The following PCDHGA3 variants were observed in gnomAD, a reference collection of about 807,000 sequenced individuals.
The protein encoded by PCDHGA3 is protocadherin gamma subfamily A, 3, also known as protocadherin gamma-A3.
In PCDHGA3, 40 loss-of-function variants were observed where a neutral mutation model predicts 58.5. That is an observed-to-expected ratio of 0.68 (90% CI 0.53 to 0.89). The LOEUF is 0.89. PCDHGA3 is among the 40% of genes least tolerant of loss of function. The pLI is 0.00. For synonymous variants in PCDHGA3, 530 were observed against 525.7 expected (o/e 1.01, Z -0.11); for missense variants, 1,223 against 1,195.9 (o/e 1.02, Z -0.33).
At chr5:141,442,466 A>T (rs1270035223) in intron 1 of PCDHGA3, 1 of 152,254 alleles carries the variant, frequency 6.6e-6, no homozygotes, top group African/African-American at 2.4e-5. Flanking sequence ...TTCACTGCAG[A>T]AAGCCCCTTG....
intron 1 of PCDHGA3, chr5:141,399,294 G>T (rs781668632): frequency 6.2e-7 from 1 of 1,613,914 alleles, no homozygotes; most frequent in South Asian, 1.1e-5. Flanking sequence ...TCCCTTTTAA[G>T]ATTATCTCTT....
At chr5:141,450,134 G>A (rs1267554616) in intron 1 of PCDHGA3, among the ~76,000 whole-genome samples, 1 of 151,424 alleles carries the variant, frequency 6.6e-6, no homozygotes, top group East Asian at 2.0e-4. Context: ...AGCCTCCTGA[G>A]TAGCTGGGAC....
At chr5:141,362,477 T>C (rs1269006896) in intron 1 of PCDHGA3, 2 of 1,613,938 alleles carry the variant, frequency 1.2e-6, no homozygotes, top group Admixed American at 1.7e-5. Context: ...CAAGATCTCG[T>C]CTGTGACAAT....
At chr5:141,422,934 C>T in intron 1 of PCDHGA3, 1 of 1,614,254 alleles carries the variant, frequency 6.2e-7, no homozygotes, top group Non-Finnish European at 8.5e-7. Context: ...CTGCCCTCCC[C>T]ACAGACGGCT....
At chr5:141,400,014 C>T (rs2093941558) in intron 1 of PCDHGA3, 1 of 1,612,662 alleles carries the variant, frequency 6.2e-7, no homozygotes, top group Non-Finnish European at 8.5e-7. Flanking sequence ...GTGCCTTGGG[C>T]GACAGGGACG....
chr5:141,368,022 A>C lies in PCDHGA3; in HGVS notation c.2424+21565A>C, dbSNP rs148102234. 3.7e-3 allele frequency among the ~76,000 whole-genome samples: 559 copies of C among 152,344 alleles called. 6 individuals are homozygous for C. Among genetic ancestry groups the C allele is most frequent in the African/African-American group, 0.013 (529 of 41,584 alleles). On this transcript the variant is annotated intron_variant, in intron 1 of 3. Coordinates refer to ENST00000253812, the MANE Select transcript of PCDHGA3 (RefSeq NM_018916.4). ...AATGAAATACTGGCCTATGTGCCTC[A>C]AATTCCAGGAGGATGTGTTATGTAA...
At chr5:141,371,610 A>C in intron 1 of PCDHGA3, 1 of 1,614,006 alleles carries the variant, frequency 6.2e-7, no homozygotes, top group Non-Finnish European at 8.5e-7. Context: ...CAGGTTGGTG[A>C]CAGATGGAGC....
chr5:141,405,967 G>C (rs76683972), intron 1 of PCDHGA3, among the ~76,000 whole-genome samples: 1 of 151,968 alleles, frequency 6.6e-6, no homozygotes, highest in Non-Finnish European at 1.5e-5. Context: ...TGCTGTCAAC[G>C]TAAACCATAC....
intron 1 of PCDHGA3, among the ~76,000 whole-genome samples, chr5:141,401,424 T>G (rs1408860840): frequency 6.6e-6 from 1 of 152,170 alleles, no homozygotes; most frequent in Non-Finnish European, 1.5e-5. Flanking sequence ...AGAGACTGAT[T>G]CACTGAACTT....
intron 1 of PCDHGA3, chr5:141,385,373 T>A (rs754384717): frequency 6.5e-7 from 1 of 1,529,238 alleles, no homozygotes; most frequent in African/African-American, 1.4e-5. Context: ...TTGCATGATA[T>A]TTCTCTATTA....
intron 3 of PCDHGA3, among the ~76,000 whole-genome samples, chr5:141,509,568 C>T (rs535982453): frequency 3.3e-5 from 5 of 152,336 alleles, no homozygotes; most frequent in Admixed American, 2.0e-4. Flanking sequence ...GCAGCCTTCA[C>T]AGTGCGTACA....
chr5:141,422,734 T>A, intron 1 of PCDHGA3: 2 of 1,608,114 alleles, frequency 1.2e-6, no homozygotes, highest in Non-Finnish European at 1.7e-6. Context: ...GGTGCCTCTG[T>A]CCTCCTATGT....
Position 141,486,740 on chromosome 5 carries a change from T to G in PCDHGA3, c.2425-8067T>G. Reference sequence around the variant, plus strand: ...AGGAGCTGTTCATGCTACTCGATCCTTTGACTATGAGCAAACCCAGACACT... The same window carrying G: ...AGGAGCTGTTCATGCTACTCGATCCGTTGACTATGAGCAAACCCAGACACT... On this transcript the variant is annotated intron_variant, in intron 1 of 3. Transcript: ENST00000253812. This position sits in a 1 kb window ranked among gnomAD's most constrained non-coding sequence, Gnocchi z 5.0. 6.2e-7 allele frequency: 1 copy of G among 1,614,234 alleles called. No individual in the cohort carries two copies. The highest frequency in any genetic ancestry group is 8.5e-7 in the Non-Finnish European group (1 of 1,180,046).
intron 1 of PCDHGA3, chr5:141,362,449 C>G: frequency 6.2e-7 from 1 of 1,614,006 alleles, no homozygotes; most frequent in Non-Finnish European, 8.5e-7. Context: ...GAACATAACC[C>G]CGGAATTGGT....
At chr5:141,458,103 T>TA (rs1401283935) in intron 1 of PCDHGA3, among the ~76,000 whole-genome samples, 2 of 152,212 alleles carry the variant, frequency 1.3e-5, no homozygotes, top group Non-Finnish European at 2.9e-5. Context: ...TACTTACAGA[T>TA]AGTCTCCAAA....
In PCDHGA3 at chr5:141,427,684, C is replaced by T. The variant is rs765112627; in HGVS notation, c.2425-67123C>T. 3.6e-6 allele frequency: 3 copies of T among 841,720 alleles called. No individual in the cohort carries two copies. In the Admixed American group the frequency reaches 5.8e-5, roughly 16 times the overall value. 52.1% of individuals were successfully genotyped at this position (841,720 alleles called of 1,614,324 possible). A position where few individuals can be genotyped will look rare whatever the true frequency, so the allele number is the denominator to read the frequency against. On this transcript the variant is annotated intron_variant, in intron 1 of 3. Transcript: ENST00000253812. The stretch of plus-strand genomic sequence containing the variant: ...GTGGCCGAAAACAACCTTCCCGGAG[C>T]CTCCATCCCACAAGTCAGCGCCTCT...
rs372602945 is a variant in PCDHGA3, at chr5:141,351,585, A to G, written c.2424+5128A>G. 3.9e-5 allele frequency: 63 copies of G among 1,614,032 alleles called. No individual in the cohort carries two copies. The African/African-American group carries it at 7.7e-4, about 20-fold the overall frequency. ...ATCACCCTGCACATCTCCGACATCA[A>G]CGACAATGCACCTGTTTTCCATCAG... On this transcript the variant is annotated intron_variant, in intron 1 of 3. Coordinates refer to ENST00000253812, the MANE Select transcript of PCDHGA3 (RefSeq NM_018916.4).
At position 141,394,884 on chromosome 5, in the gene PCDHGA3, C is replaced by G. The variant is rs2093119839; in HGVS notation, c.2424+48427C>G. The G allele has an allele frequency of 1.2e-6, 2 of 1,613,784 alleles. 1 individual carries two copies. Among genetic ancestry groups the G allele is most frequent in the Admixed American group, 3.3e-5 (2 of 60,002 alleles). On this transcript the variant is annotated intron_variant, in intron 1 of 3. Coordinates refer to ENST00000253812, the MANE Select transcript of PCDHGA3 (RefSeq NM_018916.4). ...CGACCCGAACGATTCGAGCCTTACACTCTATCTCGTGGTGGCAGTGGCTGC... is the reference window on the plus strand; with the variant it reads ...CGACCCGAACGATTCGAGCCTTACAGTCTATCTCGTGGTGGCAGTGGCTGC...
intron 1 of PCDHGA3, chr5:141,410,815 T>C: frequency 1.8e-6 from 1 of 553,722 alleles, no homozygotes; most frequent in Non-Finnish European, 2.9e-6. Context: ...TTTTGTAAAA[T>C]AATGTCACCA....
Sources: gnomAD v4.1 joint callset for allele counts (sites outside exome capture counted in the v4.1 genomes callset) on GRCh38, gnomAD v4.1.1 for gene constraint, Gnocchi (gnomAD v3.1) non-coding constraint, MANE v1.5 for transcripts, NCBI Gene and HGNC (gene_info 2026-07-23, HGNC 2026-07-21) for gene names.